Variants in ZFX observed in about 807,000 individuals in gnomAD.
The protein encoded by ZFX is zinc finger protein X-linked.
For missense variants in ZFX, 362 were observed against 628.3 expected (o/e 0.58, Z 4.53); for synonymous variants, 196 against 226.8 (o/e 0.86, Z 1.22).
At chrX:24,186,821 TTA>T (rs1397731099) in intron 5 of ZFX, among the ~76,000 whole-genome samples, 4 of 111,799 alleles carry the variant, frequency 3.6e-5, no homozygotes, top group African/African-American at 9.8e-5. Flanking sequence ...TCTAAGTTAA[TTA>T]TATGTTTCTT....
rs1938345032 is a variant in ZFX, at chrX:24,214,735, G to A, written c.*3359G>A. Reference sequence around the variant, plus strand: ...TCTTCATAAAGGATTTGTTTTATTAGCATCTCCAATTCCCCTGAGATAAAT... The same window carrying A: ...TCTTCATAAAGGATTTGTTTTATTAACATCTCCAATTCCCCTGAGATAAAT... On this transcript the variant is annotated 3_prime_UTR_variant, in exon 10 of 10. Transcript: ENST00000304543. 1.8e-5 allele frequency: 2 copies of A among 111,920 alleles called. No homozygotes were observed. The highest frequency in any genetic ancestry group is 3.8e-5 in the Non-Finnish European group (2 of 53,203). 9.2% of individuals were successfully genotyped at this position (111,920 alleles called of 1,213,427 possible). A position where few individuals can be genotyped will look rare whatever the true frequency, so the allele number is the denominator to read the frequency against.
chrX:24,155,853 T>A (rs991096885), intron 3 of ZFX, among the ~76,000 whole-genome samples: 6 of 112,751 alleles, frequency 5.3e-5, no homozygotes, highest in Non-Finnish European at 1.1e-4. Context: ...TTCATTTTTC[T>A]GTTGGATTGT....
chrX:24,160,050 T>A (rs1409011767), intron 3 of ZFX, among the ~76,000 whole-genome samples: 1 of 110,720 alleles, frequency 9.0e-6, no homozygotes, highest in Non-Finnish European at 1.9e-5. Context: ...CCTTTTTTTC[T>A]GATCAGTATT....
chrX:24,177,925 ATT>A (rs759116403), intron 4 of ZFX: 312 of 527,736 alleles, frequency 5.9e-4, no homozygotes, highest in African/African-American at 1.5e-3. Flanking sequence ...GCATTACTTA[ATT>A]TTTTTTTTTT....
intron 5 of ZFX, among the ~76,000 whole-genome samples, chrX:24,195,383 C>T (rs1189313310): frequency 7.7e-5 from 8 of 103,552 alleles, no homozygotes; most frequent in East Asian, 3.1e-4. Context: ...GATGGAGTCT[C>T]GCTCTGTTGC....
intron 5 of ZFX, among the ~76,000 whole-genome samples, chrX:24,196,073 C>T (rs895302902): frequency 8.9e-6 from 1 of 111,776 alleles, no homozygotes; most frequent in African/African-American, 3.3e-5. Context: ...TTCAGCCTAC[C>T]TTCCAATCTA....
At chrX:24,187,308 C>T (rs371885611) in intron 5 of ZFX, among the ~76,000 whole-genome samples, 1 of 111,359 alleles carries the variant, frequency 9.0e-6, no homozygotes, top group South Asian at 3.8e-4. Context: ...ATTGGCCCCC[C>T]CTTTCTCTCT....
In ZFX at chrX:24,172,909, C is replaced by A. The variant is rs1934759484; in HGVS notation, c.58+109C>A. 5 of 829,969 alleles carry A rather than the reference C, an allele frequency of 6.0e-6. No homozygotes were observed. In the Admixed American group the frequency reaches 1.1e-4, roughly 18 times the overall value. The allele number at this position is 829,969 out of a possible 1,213,427, so 68.4% of individuals were successfully genotyped here. On this transcript the variant is annotated intron_variant, in intron 4 of 9. Coordinates refer to ENST00000304543, the MANE Select transcript of ZFX (RefSeq NM_003410.4). ...GATCATTCACAGGTTATCTTGTTAT[C>A]CTGTCAAAATTCACAGGTGTTACGG...
chrX:24,164,087 CTTGGT>C (rs1933755881), intron 3 of ZFX, among the ~76,000 whole-genome samples: 1 of 108,044 alleles, frequency 9.3e-6, no homozygotes, highest in Admixed American at 1.0e-4. Context: ...CTGGAAAAAG[CTTGGT>C]TTGGAGATTT....
chrX:24,172,627 G>T (rs143088021), intron 3 of ZFX, 88 bp from the exon 4 acceptor site: 3 of 614,997 alleles, frequency 4.9e-6, no homozygotes, highest in African/African-American at 4.6e-5. Flanking sequence ...CATAATTTGA[G>T]TGTCTCAGAA....
chrX:24,151,424 T>TAGGTAG, intron 1 of ZFX: 1 of 111,640 alleles, frequency 9.0e-6, no homozygotes, highest in South Asian at 3.7e-4. Context: ...AGGACTTTGT[T>TAGGTAG]AGGTAGAGGT....
chrX:24,194,956 G>A (rs1440757793), intron 5 of ZFX, among the ~76,000 whole-genome samples: 1 of 109,906 alleles, frequency 9.1e-6, no homozygotes, highest in East Asian at 2.9e-4. Flanking sequence ...CCATGTTGGC[G>A]AGGCTGATCT....
chrX:24,171,265 G>T (rs1401422710), intron 3 of ZFX, among the ~76,000 whole-genome samples: 1 of 111,331 alleles, frequency 9.0e-6, no homozygotes, highest in Non-Finnish European at 1.9e-5. Context: ...TCAAAGCAGA[G>T]ATAATGGGGG....
At chrX:24,180,359 C>A (rs1935570111) in intron 5 of ZFX, among the ~76,000 whole-genome samples, 1 of 105,810 alleles carries the variant, frequency 9.5e-6, no homozygotes, top group South Asian at 4.3e-4. Flanking sequence ...CTTGGAAAAA[C>A]AAAAAGTCTA....
Position 24,210,481 on chromosome X carries a change from T to C in ZFX, c.1523T>C (p.Met508Thr). 8.3e-7 allele frequency: 1 copy of C among 1,211,779 alleles called. No individual in the cohort carries two copies. The highest frequency in any genetic ancestry group is 1.1e-6 in the Non-Finnish European group (1 of 895,566). ...GCAGGGGCTTTGTTTACTCACAAAA[T>C]GGTGCATAAGGAAAAAGGAGCCAAC... ...SHAGALFTHKMVHKEKGANKM... is the reference protein window; with the variant it reads ...SHAGALFTHKTVHKEKGANKM... Residue 508 changes from methionine to threonine, a missense_variant, in exon 10 of 10, where the codon ATG becomes ACG. Physicochemically the swap from Met to Thr is moderately conservative, Grantham distance 81 (BLOSUM62 -1). Coordinates refer to ENST00000304543, the MANE Select transcript of ZFX (RefSeq NM_003410.4).
chrX:24,185,888 T>C (rs1271066426), intron 5 of ZFX, among the ~76,000 whole-genome samples: 1 of 109,800 alleles, frequency 9.1e-6, no homozygotes, highest in African/African-American at 3.3e-5. Context: ...GACCCTTGAT[T>C]GCGCCACTGT....
At position 24,212,716 on chromosome X, in the gene ZFX, C is replaced by T. The variant is rs1057079310; in HGVS notation, c.*1340C>T. ...AACGGGTGCTAATTATGACTTCACA[C>T]TCGGCAAGTTCAGGCTGATCTGTTA... is the stretch of plus-strand genomic sequence containing the variant. On this transcript the variant is annotated 3_prime_UTR_variant, in exon 10 of 10. Coordinates refer to ENST00000304543, the MANE Select transcript of ZFX (RefSeq NM_003410.4). The T allele has an allele frequency of 8.9e-6, 1 of 112,008 alleles. No homozygotes were observed. Among genetic ancestry groups the T allele is most frequent in the Non-Finnish European group, 1.9e-5 (1 of 53,161 alleles). The allele number at this position is 112,008 out of a possible 1,213,427, so 9.2% of individuals were successfully genotyped here.
chrX:24,211,393 C>T lies in ZFX; in HGVS notation c.*17C>T, dbSNP rs768047147. 28 of 1,205,568 alleles carry T rather than the reference C, an allele frequency of 2.3e-5. No individual in the cohort carries two copies. The highest frequency in any genetic ancestry group is 2.3e-4 in the Middle Eastern group (1 of 4,354). On this transcript the variant is annotated 3_prime_UTR_variant, in exon 10 of 10. Coordinates refer to ENST00000304543, the MANE Select transcript of ZFX (RefSeq NM_003410.4). Reference sequence around the variant, plus strand: ...CTGCCCTAACAATACTTCTACAGAACGTTTGTAGAGATATTGGCCTTGAAG... The same window carrying T: ...CTGCCCTAACAATACTTCTACAGAATGTTTGTAGAGATATTGGCCTTGAAG...
chrX:24,160,118 C>G (rs1933114052), intron 3 of ZFX, among the ~76,000 whole-genome samples: 1 of 109,639 alleles, frequency 9.1e-6, no homozygotes, highest in African/African-American at 3.3e-5. Flanking sequence ...TTGATCCTTT[C>G]TATTTCTACT....
Sources: allele counts gnomAD v4.1 joint callset (sites outside exome capture counted in the v4.1 genomes callset), GRCh38; gene constraint gnomAD v4.1.1; transcripts MANE v1.5; gene names NCBI Gene and HGNC (gene_info 2026-07-23, HGNC 2026-07-21).